RAPGEF2: variants seen among roughly 807,000 people sequenced by gnomAD.
RAPGEF2 encodes the protein Rap guanine nucleotide exchange factor 2, also known as PDZ domain containing guanine nucleotide exchange factor (GEF) 1.
A neutral mutation model predicts 186.7 loss-of-function variants in RAPGEF2; 54 were observed. The observed-to-expected ratio is 0.29, with a 90% CI of 0.23 to 0.36. The LOEUF is 0.36. RAPGEF2 is among the 10% of genes least tolerant of loss of function. The probability of loss-of-function intolerance (pLI) is 1.00; values close to 1 mark genes in which losing one functional copy is unlikely to be tolerated. For synonymous variants in RAPGEF2, 712 were observed against 705.9 expected (o/e 1.01, Z -0.14); for missense variants, 1,532 against 2,045.0 (o/e 0.75, Z 4.84).
intron 7 of RAPGEF2, among the ~76,000 whole-genome samples, chr4:159,279,441 T>G (rs140506736): frequency 6.6e-6 from 1 of 152,306 alleles, no homozygotes; most frequent in African/African-American, 2.4e-5. Context: ...AACAGTTTAT[T>G]CCTCCCTCAA....
intron 1 of RAPGEF2, among the ~76,000 whole-genome samples, chr4:159,144,809 C>G (rs975292808): frequency 1.3e-5 from 2 of 149,572 alleles, no homozygotes; most frequent in African/African-American, 4.9e-5. Context: ...CTTTTAAGTA[C>G]TTTTGATCAT....
At chr4:159,260,809 C>T (rs550728641) in intron 7 of RAPGEF2, among the ~76,000 whole-genome samples, 15 of 152,156 alleles carry the variant, frequency 9.9e-5, no homozygotes, top group East Asian at 1.9e-4. Flanking sequence ...AGTGCAATGG[C>T]GCGATCTCGG....
At chr4:159,128,873 T>A (rs1443374309) in intron 1 of RAPGEF2, 1 of 145,046 alleles carries the variant, frequency 6.9e-6, no homozygotes, top group Non-Finnish European at 1.5e-5. Flanking sequence ...TGGAAAGACT[T>A]TGCCACTCTT....
chr4:159,132,697 G>T (rs2111136342), intron 1 of RAPGEF2, among the ~76,000 whole-genome samples: 1 of 152,110 alleles, frequency 6.6e-6, no homozygotes. Flanking sequence ...ATTTTTGTGG[G>T]TGGTGGGTCA....
At chr4:159,270,156 A>T (rs1054752889) in intron 7 of RAPGEF2, among the ~76,000 whole-genome samples, 1 of 152,216 alleles carries the variant, frequency 6.6e-6, no homozygotes, top group African/African-American at 2.4e-5. Context: ...CCATCTCAAG[A>T]TGTCACATGC....
intron 11 of RAPGEF2, among the ~76,000 whole-genome samples, chr4:159,326,427 T>G (rs1765933077): frequency 6.6e-6 from 1 of 152,242 alleles, no homozygotes; most frequent in African/African-American, 2.4e-5. Flanking sequence ...CAACTTTGCA[T>G]AGGCTTTGCC....
At chr4:159,217,075 G>A (rs1422235221) in intron 4 of RAPGEF2, among the ~76,000 whole-genome samples, 1 of 152,060 alleles carries the variant, frequency 6.6e-6, no homozygotes, top group Non-Finnish European at 1.5e-5. Context: ...GTTTTTTTTA[G>A]TAGTGAAAGG....
In RAPGEF2 at chr4:159,137,782, T is replaced by A. The variant is rs540421776; in HGVS notation, c.69+33551T>A. On this transcript the variant is annotated intron_variant, in intron 1 of 29. Transcript: ENST00000691494. ...AGGTTAAATTTCTGAAATGCTTACA[T>A]GGTAGAGTGTTTTAAAAATTAAAAA... 6.0e-5 allele frequency among the ~76,000 whole-genome samples: 9 copies of A among 148,842 alleles called. No individual in the cohort carries two copies. In the South Asian group the frequency reaches 1.9e-3, roughly 32 times the overall value.
intron 3 of RAPGEF2, among the ~76,000 whole-genome samples, chr4:159,195,443 C>T (rs4336181): frequency 0.027 from 4,043 of 152,296 alleles, 74 homozygotes; most frequent in Middle Eastern, 0.041. Flanking sequence ...ACATTTAACA[C>T]GCACTTCCTA....
chr4:159,203,434 G>A (rs571831903), intron 3 of RAPGEF2, among the ~76,000 whole-genome samples: 2 of 152,242 alleles, frequency 1.3e-5, no homozygotes, highest in African/African-American at 4.8e-5. Context: ...TAATTATGAC[G>A]TTCTGGCACC....
intron 3 of RAPGEF2, among the ~76,000 whole-genome samples, chr4:159,207,276 T>C (rs1046396645): frequency 1.3e-5 from 2 of 152,332 alleles, no homozygotes; most frequent in East Asian, 3.9e-4. Flanking sequence ...ACCCTAAATA[T>C]AGGCTAATCG....
intron 9 of RAPGEF2, among the ~76,000 whole-genome samples, chr4:159,318,079 A>G (rs1764812570): frequency 6.6e-6 from 1 of 152,180 alleles, no homozygotes; most frequent in East Asian, 1.9e-4. Context: ...AGTGCTTGTC[A>G]ATATAATTGC....
intron 1 of RAPGEF2, among the ~76,000 whole-genome samples, chr4:159,174,788 G>A (rs902650079): frequency 1.4e-5 from 2 of 142,664 alleles, no homozygotes; most frequent in Admixed American, 1.4e-4. Flanking sequence ...ATAGGGTCTT[G>A]CTCTGTTGCC....
At chr4:159,148,136 G>GATCT (rs897272132) in intron 1 of RAPGEF2, among the ~76,000 whole-genome samples, 5 of 152,080 alleles carry the variant, frequency 3.3e-5, no homozygotes, top group African/African-American at 1.2e-4. Context: ...TAGTATATTA[G>GATCT]ATCTATATCA....
chr4:159,189,476 AT>A (rs71589218), intron 2 of RAPGEF2, among the ~76,000 whole-genome samples: 37,294 of 152,146 alleles, frequency 0.25, 5,791 homozygotes, highest in Non-Finnish European at 0.35. Flanking sequence ...GGGGAAGAGT[AT>A]GCTGTAATTG....
intron 7 of RAPGEF2, among the ~76,000 whole-genome samples, chr4:159,244,404 TCTC>T (rs1483921157): frequency 6.6e-6 from 1 of 151,932 alleles, no homozygotes; most frequent in Admixed American, 6.6e-5. Context: ...TCTGTAATAA[TCTC>T]CTTGCTCACT....
intron 3 of RAPGEF2, among the ~76,000 whole-genome samples, chr4:159,208,501 A>G (rs1188808037): frequency 1.3e-5 from 2 of 152,288 alleles, no homozygotes; most frequent in Admixed American, 6.5e-5. Context: ...CTGTCACCCT[A>G]GAATATGAGA....
chr4:159,236,587 CTA>C (rs1202418898), intron 4 of RAPGEF2, among the ~76,000 whole-genome samples: 1 of 152,086 alleles, frequency 6.6e-6, no homozygotes, highest in Admixed American at 6.5e-5. Flanking sequence ...TGATTTTTTA[CTA>C]TGTTACATTT....
chr4:159,177,666 C>T, intron 1 of RAPGEF2, among the ~76,000 whole-genome samples: 1 of 152,136 alleles, frequency 6.6e-6, no homozygotes, highest in East Asian at 1.9e-4. Flanking sequence ...TGCAGCTTAA[C>T]CATAGCATAT....
Sources: gnomAD v4.1 joint callset for allele counts (sites outside exome capture counted in the v4.1 genomes callset) on GRCh38, gnomAD v4.1.1 for gene constraint, MANE v1.5 for transcripts, NCBI Gene and HGNC (gene_info 2026-07-23, HGNC 2026-07-21) for gene names.